The following CELF2 variants were observed in gnomAD, a reference collection of about 807,000 sequenced individuals.
CELF2 encodes CUG triplet repeat RNA-binding protein 2.
A neutral mutation model predicts 62.6 loss-of-function variants in CELF2; 8 were observed. The ratio of observed to expected loss-of-function variants is 0.13; its 90% CI spans 0.07 to 0.23. The LOEUF (loss-of-function observed/expected upper bound fraction) is 0.23. Ranked by LOEUF, CELF2 falls within the 10% of genes least tolerant of loss-of-function variation. The pLI is 1.00. For missense variants in CELF2, 333 were observed against 671.0 expected (o/e 0.50, Z 5.56); for synonymous variants, 258 against 250.0 (o/e 1.03, Z -0.30).
At chr10:10,657,117 T>C in the CELF2 span, among the ~76,000 whole-genome samples, 14 of 152,216 alleles carry the variant, frequency 9.2e-5, no homozygotes, top group South Asian at 6.2e-4. Context: ...GGTTGAACCC[T>C]GAAAAAATTT....
In CELF2 at chr10:11,090,610, T is replaced by C. The variant is rs550221083; in HGVS notation, c.74+72447T>C. Among the ~76,000 whole-genome samples, 77 of 152,276 alleles carry C rather than the reference T, an allele frequency of 5.1e-4. 1 individual carries two copies. The highest frequency in any genetic ancestry group is 1.8e-3 in the African/African-American group (74 of 41,560). On this transcript the variant is annotated intron_variant, in intron 1 of 12. Coordinates refer to ENST00000633077, the MANE Select transcript of CELF2 (RefSeq NM_001326342.2). ...TAGCATTATATATAATCTTGAAAAATTAGAGGCAGCCTAAATATCCAGCAA... is the reference window on the plus strand; with the variant it reads ...TAGCATTATATATAATCTTGAAAAACTAGAGGCAGCCTAAATATCCAGCAA...
the CELF2 span, among the ~76,000 whole-genome samples, chr10:10,755,063 T>C: frequency 3.3e-5 from 5 of 152,198 alleles, no homozygotes; most frequent in African/African-American, 1.2e-4. Flanking sequence ...ACCAAGGTTA[T>C]GTTTACAAAA....
At chr10:10,839,228 C>T (rs1397666066) in intron 1 of CELF2, among the ~76,000 whole-genome samples, 7 of 152,196 alleles carry the variant, frequency 4.6e-5, no homozygotes, top group Admixed American at 4.6e-4. Flanking sequence ...TCTAGGCCCT[C>T]TCAGCTGACA....
intron 1 of CELF2, among the ~76,000 whole-genome samples, chr10:11,025,209 G>A (rs923567590): frequency 3.2e-5 from 2 of 62,000 alleles, no homozygotes; most frequent in South Asian, 2.0e-3. Context: ...ATACATATAT[G>A]TGTGTGTGTG....
At chr10:10,848,852 T>A (rs1182155525) in intron 1 of CELF2, among the ~76,000 whole-genome samples, 1 of 152,070 alleles carries the variant, frequency 6.6e-6, no homozygotes, top group Non-Finnish European at 1.5e-5. Context: ...GATGCCGCCA[T>A]GTTTTACGTA....
the CELF2 span, among the ~76,000 whole-genome samples, chr10:10,720,517 A>G: frequency 1.3e-5 from 2 of 152,190 alleles, no homozygotes; most frequent in South Asian, 2.1e-4. Context: ...CTGTGGCCCT[A>G]TGTTGGGAGA....
At position 11,023,230 on chromosome 10, in the gene CELF2, A is replaced by G. The variant is rs543055096; in HGVS notation, c.74+5067A>G. ...AATGATTTCCAGTTCATTAGCACCT[A>G]CAAGTTCTCATGCATCCTGTTTGTT... On this transcript the variant is annotated intron_variant, in intron 1 of 12. Coordinates refer to ENST00000633077, the MANE Select transcript of CELF2 (RefSeq NM_001326342.2). Among the ~76,000 whole-genome samples, 21 of 152,350 alleles carry G rather than the reference A, an allele frequency of 1.4e-4. No individual in the cohort carries two copies. The South Asian group carries it at 4.1e-3, about 30-fold the overall frequency.
chr10:10,735,238 A>G, the CELF2 span, among the ~76,000 whole-genome samples: 1 of 152,234 alleles, frequency 6.6e-6, no homozygotes, highest in East Asian at 1.9e-4. Flanking sequence ...ATGTGAAGTT[A>G]GTGATAAAAA....
At chr10:11,312,931 C>G (rs562176242) in intron 9 of CELF2, among the ~76,000 whole-genome samples, 1 of 152,222 alleles carries the variant, frequency 6.6e-6, no homozygotes, top group Non-Finnish European at 1.5e-5. Flanking sequence ...GAGCCTCTGT[C>G]TCAAAGGACA....
intron 1 of CELF2, among the ~76,000 whole-genome samples, chr10:10,808,572 G>T (rs916276015): frequency 6.6e-6 from 1 of 152,080 alleles, no homozygotes; most frequent in African/African-American, 2.4e-5. Context: ...AGGATCACAG[G>T]TCACTGCGAA....
intron 1 of CELF2, among the ~76,000 whole-genome samples, chr10:10,808,532 A>G (rs555784371): frequency 6.6e-6 from 1 of 152,332 alleles, no homozygotes; most frequent in African/African-American, 2.4e-5. Context: ...GCTGTCAAAT[A>G]TGTCAAAAGG....
Position 11,297,332 on chromosome 10 carries a change from G to A in CELF2, c.976+8780G>A, listed in dbSNP as rs1249976955. Among the ~76,000 whole-genome samples, 2 of 152,196 alleles carry A rather than the reference G, an allele frequency of 1.3e-5. No homozygotes were observed. The highest frequency in any genetic ancestry group is 1.5e-5 in the Non-Finnish European group (1 of 68,036). On this transcript the variant is annotated intron_variant, in intron 9 of 12. Coordinates refer to ENST00000633077, the MANE Select transcript of CELF2 (RefSeq NM_001326342.2). The surrounding 1 kb of genome is among the most constrained non-coding windows in gnomAD (Gnocchi z 4.4). ...CTGCAGAGTGGATTGAGACTGACCTGCAGAGGCCAGGCGGGCTGCCCTAAG... is the reference window on the plus strand; with the variant it reads ...CTGCAGAGTGGATTGAGACTGACCTACAGAGGCCAGGCGGGCTGCCCTAAG...
At chr10:10,564,575 ATC>A in the CELF2 span, among the ~76,000 whole-genome samples, 6 of 151,606 alleles carry the variant, frequency 4.0e-5, no homozygotes, top group South Asian at 1.0e-3. Flanking sequence ...TACCCTTTTC[ATC>A]TGTTTCTGAC....
chr10:11,295,289 G>C lies in CELF2; in HGVS notation c.976+6737G>C, dbSNP rs146541085. ...TTCCAGCACTGGAGACACATCAGTA[G>C]ACAAAGCTGATGAAGATTCCTACCT... On this transcript the variant is annotated intron_variant, in intron 9 of 12. Transcript: ENST00000633077. Among the ~76,000 whole-genome samples the C allele has an allele frequency of 4.2e-3, 645 of 152,202 alleles. 23 individuals are homozygous for C. Among genetic ancestry groups the C allele is most frequent in the Admixed American group, 0.037 (562 of 15,296 alleles).
chr10:11,065,398 C>A (rs114618775), intron 1 of CELF2, among the ~76,000 whole-genome samples: 1 of 152,020 alleles, frequency 6.6e-6, no homozygotes, highest in African/African-American at 2.4e-5. Context: ...TCCTTACTAC[C>A]GAAATGAGCT....
intron 1 of CELF2, among the ~76,000 whole-genome samples, chr10:11,067,799 G>A (rs771115214): frequency 6.6e-6 from 1 of 152,166 alleles, no homozygotes; most frequent in Non-Finnish European, 1.5e-5. Context: ...CCTATTTATT[G>A]GTTCTGAGAC....
the CELF2 span, among the ~76,000 whole-genome samples, chr10:10,730,063 A>G: frequency 6.6e-6 from 1 of 152,322 alleles, no homozygotes; most frequent in Middle Eastern, 3.4e-3. Flanking sequence ...CTATCCCAAG[A>G]TTACGGAAGT....
At position 10,995,446 on chromosome 10, in the gene CELF2, G is replaced by A. The variant is rs1004711737; in HGVS notation, c.89+75447G>A. Reference sequence around the variant, plus strand: ...ACACAGAAATAAACCCAGTCACAGGGTGGGGATCACTGGAGAGTTTTGCAT... The same window carrying A: ...ACACAGAAATAAACCCAGTCACAGGATGGGGATCACTGGAGAGTTTTGCAT... On this transcript the variant is annotated intron_variant, in intron 2 of 13. Transcript: ENST00000636488. The surrounding 1 kb of genome is among the most constrained non-coding windows in gnomAD (Gnocchi z 4.7). Among the ~76,000 whole-genome samples the A allele has an allele frequency of 6.6e-6, 1 of 152,190 alleles. No homozygotes were observed. The highest frequency in any genetic ancestry group is 2.4e-5 in the African/African-American group (1 of 41,456).
chr10:10,667,568 C>A, the CELF2 span, among the ~76,000 whole-genome samples: 1 of 152,178 alleles, frequency 6.6e-6, no homozygotes, highest in Non-Finnish European at 1.5e-5. Flanking sequence ...GAATGGGTCT[C>A]CCAAATTTCA....
Sources: gnomAD v4.1 joint callset for allele counts (sites outside exome capture counted in the v4.1 genomes callset) on GRCh38, gnomAD v4.1.1 for gene constraint, Gnocchi (gnomAD v3.1) non-coding constraint, MANE v1.5 for transcripts, NCBI Gene and HGNC (gene_info 2026-07-23, HGNC 2026-07-21) for gene names.